The following ZMYM2 variants were observed in gnomAD, a reference collection of about 807,000 sequenced individuals.
ZMYM2 encodes zinc finger MYM-type containing 2.
In ZMYM2, 56 loss-of-function variants were observed where a neutral mutation model predicts 162.8. The observed-to-expected ratio is 0.34, with a 90% CI of 0.28 to 0.43. ZMYM2 has a LOEUF of 0.43. Among genes scored for constraint, ZMYM2 ranks in the 20% least tolerant of loss-of-function variants. The probability of loss-of-function intolerance (pLI) is 1.00; values close to 1 mark genes in which losing one functional copy is unlikely to be tolerated. For missense variants in ZMYM2, 1,275 were observed against 1,621.8 expected, an observed-to-expected ratio of 0.79 and a Z score of 3.67; for synonymous variants, 510 against 541.6, an observed-to-expected ratio of 0.94 and a Z score of 0.81.
the ZMYM2 span, among the ~76,000 whole-genome samples, chr13:19,912,980 A>G: frequency 6.6e-6 from 1 of 152,204 alleles, no homozygotes; most frequent in Admixed American, 6.6e-5. Context: ...GTACTACTCC[A>G]GACCATTAGT....
chr13:20,063,573 G>A (rs1956393176), intron 18 of ZMYM2, among the ~76,000 whole-genome samples: 1 of 150,738 alleles, frequency 6.6e-6, no homozygotes, highest in African/African-American at 2.4e-5. Flanking sequence ...CTGAGGTCAG[G>A]AGTTTGAGAC....
chr13:19,946,111 C>T, the ZMYM2 span, among the ~76,000 whole-genome samples: 13,596 of 152,234 alleles, frequency 0.089, 992 homozygotes, highest in African/African-American at 0.19. Flanking sequence ...TTTGAGGCTA[C>T]CAATGTCAAT....
chr13:20,009,442 A>C (rs2140022691), intron 6 of ZMYM2, among the ~76,000 whole-genome samples: 1 of 152,318 alleles, frequency 6.6e-6, no homozygotes, highest in South Asian at 2.1e-4. Context: ...TTGCAGTTTT[A>C]AGTATTTTTA....
At chr13:20,035,916 G>A (rs1953649982) in intron 11 of ZMYM2, among the ~76,000 whole-genome samples, 2 of 152,134 alleles carry the variant, frequency 1.3e-5, no homozygotes, top group Admixed American at 1.3e-4. Flanking sequence ...AGAAGTCATA[G>A]GATAGTACAT....
At chr13:19,947,265 T>C in the ZMYM2 span, among the ~76,000 whole-genome samples, 1 of 151,848 alleles carries the variant, frequency 6.6e-6, no homozygotes, top group Non-Finnish European at 1.5e-5. Context: ...TTTCACCGTA[T>C]TAGCCAGGAT....
chr13:20,033,791 A>T (rs894468702), intron 10 of ZMYM2, among the ~76,000 whole-genome samples: 1 of 152,230 alleles, frequency 6.6e-6, no homozygotes, highest in East Asian at 1.9e-4. Context: ...GATGGCACCA[A>T]ATTGAATACT....
At chr13:20,014,404 A>G (rs898600544) in intron 6 of ZMYM2, among the ~76,000 whole-genome samples, 1 of 151,960 alleles carries the variant, frequency 6.6e-6, no homozygotes, top group African/African-American at 2.4e-5. Context: ...CTATTGTTAC[A>G]GGTCTGTTCA....
At chr13:19,923,378 AAAAAAGG>A in the ZMYM2 span, among the ~76,000 whole-genome samples, 1 of 150,368 alleles carries the variant, frequency 6.7e-6, no homozygotes, top group South Asian at 2.1e-4. Context: ...AAAAAAAAAA[AAAAAAGG>A]AGAAAAAAAG....
At chr13:20,022,406 G>A (rs548914189) in intron 7 of ZMYM2, among the ~76,000 whole-genome samples, 1 of 152,290 alleles carries the variant, frequency 6.6e-6, no homozygotes, top group South Asian at 2.1e-4. Context: ...GGAAGCACAT[G>A]ATGTCTATGT....
At chr13:19,997,151 TTGTC>T (rs1009756791) in intron 3 of ZMYM2, among the ~76,000 whole-genome samples, 1 of 152,228 alleles carries the variant, frequency 6.6e-6, no homozygotes, top group African/African-American at 2.4e-5. Flanking sequence ...TGTAGTTTTG[TTGTC>T]TGTTTTTTCC....
the ZMYM2 span, among the ~76,000 whole-genome samples, chr13:19,880,611 T>C: frequency 6.6e-6 from 1 of 151,926 alleles, no homozygotes; most frequent in African/African-American, 2.4e-5. Context: ...TGTATTTTAA[T>C]AGAGATGGGG....
At chr13:19,891,805 AC>A in the ZMYM2 span, among the ~76,000 whole-genome samples, 1 of 151,576 alleles carries the variant, frequency 6.6e-6, no homozygotes, top group African/African-American at 2.4e-5. Flanking sequence ...CAATAATATA[AC>A]CCTAAGGTTA....
the ZMYM2 span, among the ~76,000 whole-genome samples, chr13:19,922,106 G>A: frequency 6.6e-6 from 1 of 151,960 alleles, no homozygotes; most frequent in African/African-American, 2.4e-5. Flanking sequence ...GTAGAGACGA[G>A]GTTTCACTAC....
chr13:20,031,568 G>T, intron 10 of ZMYM2, 133 bp downstream of exon 10: 1 of 611,228 alleles, frequency 1.6e-6, no homozygotes, highest in Non-Finnish European at 2.7e-6. Flanking sequence ...TTTATGATTG[G>T]ATTATTTATT....
intron 12 of ZMYM2, among the ~76,000 whole-genome samples, chr13:20,049,439 G>A (rs1023298622): frequency 2.6e-5 from 4 of 151,820 alleles, no homozygotes; most frequent in Admixed American, 6.6e-5. Flanking sequence ...TTGTATAAAC[G>A]GAAATACTAC....
At chr13:19,885,708 C>G in the ZMYM2 span, among the ~76,000 whole-genome samples, 1 of 151,260 alleles carries the variant, frequency 6.6e-6, no homozygotes, top group Non-Finnish European at 1.5e-5. Flanking sequence ...TTTAGCTGGA[C>G]ATGTTTTCGC....
intron 12 of ZMYM2, among the ~76,000 whole-genome samples, chr13:20,050,978 A>G (rs1955272585): frequency 6.6e-6 from 1 of 152,122 alleles, no homozygotes; most frequent in South Asian, 2.1e-4. Flanking sequence ...AAAATTTTCA[A>G]GTTAACATCC....
the ZMYM2 span, among the ~76,000 whole-genome samples, chr13:19,892,232 C>T: frequency 1.3e-5 from 2 of 151,864 alleles, no homozygotes; most frequent in East Asian, 3.9e-4. Flanking sequence ...TGTGAGCCAC[C>T]ACTCTCAGAC....
chr13:20,037,031 G>T, intron 12 of ZMYM2, 122 bp downstream of exon 12: 1 of 815,430 alleles, frequency 1.2e-6, no homozygotes, highest in Non-Finnish European at 1.7e-6. Context: ...GCCCAGCCCT[G>T]ATAATACTAT....
Sources: gnomAD v4.1 joint callset for allele counts (sites outside exome capture counted in the v4.1 genomes callset) on GRCh38, gnomAD v4.1.1 for gene constraint, MANE v1.5 for transcripts, NCBI Gene and HGNC (gene_info 2026-07-23, HGNC 2026-07-21) for gene names.